The following MOB1A variants were observed in gnomAD, a reference collection of about 807,000 sequenced individuals.
The protein encoded by MOB1A is MOB1 Mps One Binder homolog A.
In MOB1A, 10 loss-of-function variants were observed where a neutral mutation model predicts 25.1. That is an observed-to-expected ratio of 0.40 (90% CI 0.25 to 0.68). MOB1A has a LOEUF of 0.68. Among genes scored for constraint, MOB1A ranks in the 30% least tolerant of loss-of-function variants. The pLI is 0.40. For missense variants in MOB1A, 177 were observed against 256.3 expected (o/e 0.69, Z 2.11); for synonymous variants, 81 against 79.5 (o/e 1.02, Z -0.10).
intron 2 of MOB1A, among the ~76,000 whole-genome samples, chr2:74,170,250 T>C (rs1313507116): frequency 6.6e-6 from 1 of 151,750 alleles, no homozygotes; most frequent in Non-Finnish European, 1.5e-5. Context: ...GTGATTCTCC[T>C]GCCTCAGCCT....
rs193207581 is a variant in MOB1A at position 74,152,624 on chromosome 2, G to A, written c.*3944C>T. 13 of 152,194 alleles carry A rather than the reference G, an allele frequency of 8.5e-5. No homozygotes were observed. Among genetic ancestry groups the A allele is most frequent in the Middle Eastern group, 3.4e-3 (1 of 294 alleles). The allele number at this position is 152,194 out of a possible 1,614,324, so 9.4% of individuals were successfully genotyped here. On this transcript the variant is annotated 3_prime_UTR_variant, in exon 6 of 6. Coordinates refer to ENST00000396049, the MANE Select transcript of MOB1A (RefSeq NM_018221.5). The stretch of plus-strand genomic sequence containing the variant: ...TGCTTTCAATATATTTTATTCTGAC[G>A]AAGTTACAAAAGTAGATACAAAATA...
chr2:74,171,071 G>C (rs963473452), intron 2 of MOB1A, among the ~76,000 whole-genome samples: 12 of 152,060 alleles, frequency 7.9e-5, no homozygotes, highest in Admixed American at 2.0e-4. Flanking sequence ...CTTGAGGTCA[G>C]GAGTTCGAGA....
chr2:74,175,685 T>A (rs773218583), intron 1 of MOB1A, among the ~76,000 whole-genome samples: 17 of 152,156 alleles, frequency 1.1e-4, no homozygotes, highest in Non-Finnish European at 2.2e-4. Flanking sequence ...GAGGATTGAA[T>A]TAAAGTATGG....
At chr2:74,174,004 C>T (rs1693379737) in intron 1 of MOB1A, among the ~76,000 whole-genome samples, 1 of 147,824 alleles carries the variant, frequency 6.8e-6, no homozygotes, top group Non-Finnish European at 1.5e-5. Context: ...TGCGGTGGCT[C>T]ACACCTGTAA....
intron 4 of MOB1A, among the ~76,000 whole-genome samples, chr2:74,159,818 T>TTC (rs375045263): frequency 6.1e-5 from 6 of 98,726 alleles, no homozygotes; most frequent in African/African-American, 2.4e-4. Flanking sequence ...TTGTTTTTTG[T>TTC]CCCCCCCCCC....
chr2:74,167,212 C>A, intron 2 of MOB1A, 105 bp from the exon 3 acceptor site: 2 of 760,020 alleles, frequency 2.6e-6, no homozygotes, highest in East Asian at 2.5e-5. Flanking sequence ...TAGCTGAACC[C>A]TTGAGACATT....
chr2:74,178,752 A>G lies in MOB1A; in HGVS notation c.-78T>C. On this transcript the variant is annotated 5_prime_UTR_variant, in exon 1 of 6. Coordinates refer to ENST00000396049, the MANE Select transcript of MOB1A (RefSeq NM_018221.5). ...ATTCGGAGCTGGCTAGAGGGAGCGG[A>G]CCGTCCTTAGCTCACGGGCAGCGGA... 2 of 634,760 alleles carry G rather than the reference A, an allele frequency of 3.2e-6. No individual in the cohort carries two copies. Among genetic ancestry groups the G allele is most frequent in the Non-Finnish European group, 4.4e-6 (2 of 455,604 alleles). 39.3% of individuals were successfully genotyped at this position (634,760 alleles called of 1,614,324 possible).
At chr2:74,156,797 CTTTTTCTTTTT>C (rs1002245390) in intron 5 of MOB1A, among the ~76,000 whole-genome samples, 152 bp from the exon 6 acceptor site, 3 of 151,640 alleles carry the variant, frequency 2.0e-5, no homozygotes, top group Non-Finnish European at 2.9e-5. Flanking sequence ...GGCATTTATT[CTTTTTCTTTTT>C]TTTTTCTTTT....
chr2:74,163,708 C>CAG (rs1693043583), intron 4 of MOB1A, among the ~76,000 whole-genome samples: 1 of 151,952 alleles, frequency 6.6e-6, no homozygotes, highest in South Asian at 2.1e-4. Context: ...AGCTGGAAAC[C>CAG]AGATTATCAA....
chr2:74,175,330 A>C (rs6546892), intron 1 of MOB1A, among the ~76,000 whole-genome samples: 33,531 of 152,116 alleles, frequency 0.22, 5,125 homozygotes, highest in African/African-American at 0.41. Context: ...ATGTCATAAT[A>C]GAAATAAAGT....
chr2:74,162,705 C>A (rs1039698491), intron 4 of MOB1A, among the ~76,000 whole-genome samples: 1 of 151,980 alleles, frequency 6.6e-6, no homozygotes, highest in Non-Finnish European at 1.5e-5. Context: ...AACAAACAGA[C>A]CAAATGTTAA....
chr2:74,157,865 A>G (rs1329034267), intron 5 of MOB1A, among the ~76,000 whole-genome samples: 3 of 152,156 alleles, frequency 2.0e-5, no homozygotes, highest in Non-Finnish European at 2.9e-5. Context: ...AAAACTGTAT[A>G]TATATTTAAA....
chr2:74,176,664 T>G (rs1311611014), intron 1 of MOB1A, among the ~76,000 whole-genome samples: 1 of 150,776 alleles, frequency 6.6e-6, no homozygotes, highest in Non-Finnish European at 1.5e-5. Context: ...CTTGGGAGAC[T>G]GAGGCAGGAG....
intron 1 of MOB1A, among the ~76,000 whole-genome samples, chr2:74,176,508 T>C (rs1405826247): frequency 6.6e-6 from 1 of 151,970 alleles, no homozygotes; most frequent in African/African-American, 2.4e-5. Flanking sequence ...CTCACGCGTG[T>C]AATCCCTGCA....
chr2:74,177,745 A>T (rs1693516097), intron 1 of MOB1A, among the ~76,000 whole-genome samples: 1 of 152,220 alleles, frequency 6.6e-6, no homozygotes, highest in Admixed American at 6.5e-5. Flanking sequence ...CCATAACTAA[A>T]ATTGGATAAT....
At chr2:74,165,026 A>G (rs183830491) in intron 4 of MOB1A, 192 bp downstream of exon 4, 16 of 339,270 alleles carry the variant, frequency 4.7e-5, no homozygotes, top group Non-Finnish European at 7.3e-5. Flanking sequence ...TTATCATTCA[A>G]AAAGAGAAAC....
At chr2:74,164,016 A>G (rs1405580550) in intron 4 of MOB1A, 1 of 152,258 alleles carries the variant, frequency 6.6e-6, no homozygotes, top group African/African-American at 2.4e-5. Context: ...CCAGCCTTAC[A>G]AGATGCTAAC....
chr2:74,156,688 C>G (rs1692816279), intron 5 of MOB1A, 43 bp from the exon 6 acceptor site: 2 of 1,381,422 alleles, frequency 1.4e-6, no homozygotes. Flanking sequence ...GGATCTAAAA[C>G]TGAAACTCTG....
At chr2:74,170,039 C>T (rs1693242728) in intron 2 of MOB1A, among the ~76,000 whole-genome samples, 1 of 152,154 alleles carries the variant, frequency 6.6e-6, no homozygotes, top group African/African-American at 2.4e-5. Context: ...TGCTGATCTA[C>T]AGCAGTTAAG....
Sources: gnomAD v4.1 joint callset for allele counts (sites outside exome capture counted in the v4.1 genomes callset) on GRCh38, gnomAD v4.1.1 for gene constraint, MANE v1.5 for transcripts, NCBI Gene and HGNC (gene_info 2026-07-23, HGNC 2026-07-21) for gene names.